The following NDST4 variants were observed in gnomAD, a reference collection of about 807,000 sequenced individuals.
The protein encoded by NDST4 is N-deacetylase and N-sulfotransferase 4.
NDST4 carries 63 observed loss-of-function variants against 100.8 expected under a neutral mutation model. The observed-to-expected ratio is 0.62, with a 90% CI of 0.51 to 0.77. NDST4 has a LOEUF of 0.77. Among genes scored for constraint, NDST4 ranks in the 30% least tolerant of loss-of-function variants. NDST4 has a pLI of 0.00. For synonymous variants in NDST4, 377 were observed against 361.8 expected (o/e 1.04, Z -0.48); for missense variants, 943 against 1,018.4 (o/e 0.93, Z 1.01).
At chr4:114,832,663 T>C (rs531379664) in intron 12 of NDST4, among the ~76,000 whole-genome samples, 1 of 152,292 alleles carries the variant, frequency 6.6e-6, no homozygotes, top group African/African-American at 2.4e-5. Flanking sequence ...GTCTTGTTTT[T>C]CTCCCCTTGG....
At chr4:114,867,646 TAAAAAA>T (rs761173470) in intron 7 of NDST4, among the ~76,000 whole-genome samples, 5 of 26,778 alleles carry the variant, frequency 1.9e-4, no homozygotes, top group African/African-American at 4.2e-4. Context: ...ATGAGAATTA[TAAAAAA>T]AAAAAAAAAA....
At chr4:115,075,710 G>T (rs1011181303) in intron 2 of NDST4, among the ~76,000 whole-genome samples, 2 of 141,212 alleles carry the variant, frequency 1.4e-5, no homozygotes, top group African/African-American at 5.3e-5. Context: ...CTTAAACCCA[G>T]GAGGTAGAGG....
At chr4:114,834,312 G>C (rs567910989) in intron 11 of NDST4, among the ~76,000 whole-genome samples, 1 of 151,958 alleles carries the variant, frequency 6.6e-6, no homozygotes, top group Non-Finnish European at 1.5e-5. Context: ...TCAGGAGTTC[G>C]AGACCAGCCT....
rs111720697 is a variant in NDST4 at position 115,056,911 on chromosome 4, C to T, written c.978+19148G>A. On this transcript the variant is annotated intron_variant, in intron 2 of 13. Transcript: ENST00000264363. ...TTTGAAAACTATGTTATAGTAATTCCTAGTAATAACAACAGTAATAACAAA... is the reference window on the plus strand; with the variant it reads ...TTTGAAAACTATGTTATAGTAATTCTTAGTAATAACAACAGTAATAACAAA... Among the ~76,000 whole-genome samples, 703 of 151,994 alleles carry T rather than the reference C, an allele frequency of 4.6e-3. 7 individuals carry two copies. The highest frequency in any genetic ancestry group is 0.015 in the African/African-American group (637 of 41,474).
intron 13 of NDST4, 52 bp from the exon 14 acceptor site, chr4:114,827,987 G>A (rs1483434597): frequency 2.6e-6 from 4 of 1,526,822 alleles, no homozygotes; most frequent in African/African-American, 2.8e-5. Flanking sequence ...TCATCAAACA[G>A]GATATTGTAA....
intron 6 of NDST4, among the ~76,000 whole-genome samples, chr4:114,921,263 C>T (rs1441627): frequency 0.99 from 151,425 of 152,314 alleles, 75,271 homozygotes; most frequent in Middle Eastern, 1. Context: ...TGACTCCATT[C>T]GTTTCACTGG....
intron 7 of NDST4, among the ~76,000 whole-genome samples, chr4:114,858,541 G>A (rs1723847979): frequency 6.6e-6 from 1 of 152,172 alleles, no homozygotes; most frequent in Non-Finnish European, 1.5e-5. Flanking sequence ...TGAGGTACCA[G>A]CTTGAAGATA....
At chr4:114,939,941 C>T (rs1426745216) in intron 4 of NDST4, among the ~76,000 whole-genome samples, 1 of 152,116 alleles carries the variant, frequency 6.6e-6, no homozygotes, top group East Asian at 1.9e-4. Flanking sequence ...ATGGCGCTTA[C>T]AGACCGAGAA....
chr4:114,937,591 T>C lies in NDST4; in HGVS notation c.1222-88A>G, dbSNP rs1578400548. On this transcript the variant is annotated intron_variant, in intron 4 of 13. Transcript: ENST00000264363. ...TCCACCAACATCTATTTAGAATACA[T>C]TGAACTCTATGCTAAATATGAGAAT... 2.1e-5 allele frequency: 22 copies of C among 1,047,326 alleles called. No homozygotes were observed. The East Asian group carries it at 5.4e-4, about 26-fold the overall frequency. The allele number at this position is 1,047,326 out of a possible 1,614,324, so 64.9% of individuals were successfully genotyped here.
intron 6 of NDST4, among the ~76,000 whole-genome samples, chr4:114,888,906 T>G (rs1289922021): frequency 6.6e-6 from 1 of 152,174 alleles, no homozygotes; most frequent in Non-Finnish European, 1.5e-5. Context: ...TTTTGATGTT[T>G]TGGGAATCAG....
In NDST4 at chr4:115,077,250, C is replaced by A; in HGVS notation, c.-214G>T. The stretch of plus-strand genomic sequence containing the variant: ...GAGGAGATTTTGAATATGTCCAATA[C>A]TGAGAATTGCTGCAGAATCCTCTAA... On this transcript the variant is annotated 5_prime_UTR_variant, in exon 2 of 14. Coordinates refer to ENST00000264363, the MANE Select transcript of NDST4 (RefSeq NM_022569.3). 1 of 400,258 alleles carries A rather than the reference C, an allele frequency of 2.5e-6. No homozygotes were observed. The highest frequency in any genetic ancestry group is 4.5e-6 in the Non-Finnish European group (1 of 223,412). The allele number at this position is 400,258 out of a possible 1,614,324, so 24.8% of individuals were successfully genotyped here.
chr4:115,097,285 T>C lies in NDST4; in HGVS notation c.-247+16159A>G, dbSNP rs565533528. Among the ~76,000 whole-genome samples, 3 of 152,304 alleles carry C rather than the reference T, an allele frequency of 2.0e-5. No individual in the cohort carries two copies. The East Asian group carries it at 5.8e-4, about 29-fold the overall frequency. ...CTAACCACATATGTGATATTTTCACTTGGAAATCTAATGGGCATTTCCAAC... is the reference window on the plus strand; with the variant it reads ...CTAACCACATATGTGATATTTTCACCTGGAAATCTAATGGGCATTTCCAAC... On this transcript the variant is annotated intron_variant, in intron 1 of 13. Coordinates refer to ENST00000264363, the MANE Select transcript of NDST4 (RefSeq NM_022569.3).
chr4:114,848,136 C>T, intron 9 of NDST4, 79 bp downstream of exon 9: 1 of 1,186,948 alleles, frequency 8.4e-7, no homozygotes, highest in Non-Finnish European at 1.2e-6. Flanking sequence ...TATGCAGATG[C>T]CACACATACA....
At chr4:114,999,871 G>T (rs184663828) in intron 2 of NDST4, among the ~76,000 whole-genome samples, 107 of 152,044 alleles carry the variant, frequency 7.0e-4, no homozygotes, top group African/African-American at 2.5e-3. Context: ...TAATTGATAT[G>T]TCTGGAAGGC....
chr4:114,922,294 A>G (rs576336325), intron 6 of NDST4, among the ~76,000 whole-genome samples: 9 of 152,320 alleles, frequency 5.9e-5, no homozygotes, highest in African/African-American at 1.9e-4. Flanking sequence ...ATCTTCCTCT[A>G]GAAACACTTG....
intron 6 of NDST4, among the ~76,000 whole-genome samples, chr4:114,875,877 T>C (rs1016844838): frequency 3.3e-5 from 5 of 152,184 alleles, no homozygotes; most frequent in African/African-American, 1.2e-4. Flanking sequence ...ACAAATAGAA[T>C]GGTATTGTAA....
At chr4:114,918,431 T>C (rs1186964883) in intron 6 of NDST4, among the ~76,000 whole-genome samples, 1 of 147,806 alleles carries the variant, frequency 6.8e-6, no homozygotes, top group African/African-American at 2.5e-5. Context: ...TTGGGAGATA[T>C]ACCTAATGCT....
chr4:114,828,868 A>G (rs1723137324), intron 13 of NDST4, among the ~76,000 whole-genome samples: 1 of 152,230 alleles, frequency 6.6e-6, no homozygotes, highest in Admixed American at 6.5e-5. Flanking sequence ...ACTTTTGTGT[A>G]TACTGTGGAA....
chr4:114,867,664 G>GAAAAAAAAAAAAAAAA (rs1491405935), intron 7 of NDST4, among the ~76,000 whole-genome samples: 1 of 26,082 alleles, frequency 3.8e-5, no homozygotes, highest in Non-Finnish European at 9.7e-5. Context: ...AAAAAAAAAA[G>GAAAAAAAAAAAAAAAA]CAAAAAAAAA....
Sources: allele counts gnomAD v4.1 joint callset (sites outside exome capture counted in the v4.1 genomes callset), GRCh38; gene constraint gnomAD v4.1.1; transcripts MANE v1.5; gene names NCBI Gene and HGNC (gene_info 2026-07-23, HGNC 2026-07-21).